The following EIF3C variants were observed in gnomAD, a reference collection of about 807,000 sequenced individuals.
The protein encoded by EIF3C is cell migration-inducing protein 17.
In EIF3C, 2 loss-of-function variants were observed where a neutral mutation model predicts 11.1. That is an observed-to-expected ratio of 0.18 (90% CI 0.07 to 0.57). EIF3C has a LOEUF of 0.57. EIF3C is among the 20% of genes least tolerant of loss of function. EIF3C has a pLI of 0.92. For synonymous variants in EIF3C, 2 were observed against 41.5 expected (o/e 0.05, Z 3.66); for missense variants, 16 against 114.6 (o/e 0.14, Z 3.93).
At chr16:28,698,325 G>A (rs2048255214) in intron 1 of EIF3C, among the ~76,000 whole-genome samples, 1 of 101,650 alleles carries the variant, frequency 9.8e-6, no homozygotes, top group Non-Finnish European at 2.0e-5. Context: ...TCCCAGTAGG[G>A]GCGGCCGGGC....
At chr16:28,693,741 C>T (rs1466878569) in intron 1 of EIF3C, among the ~76,000 whole-genome samples, 1 of 9,462 alleles carries the variant, frequency 1.1e-4, no homozygotes, top group African/African-American at 8.9e-4. Context: ...GGTGTGATCT[C>T]GGCTCACTGC....
intron 15 of EIF3C, among the ~76,000 whole-genome samples, chr16:28,728,549 T>TGTGTG (rs2048407452): frequency 8.4e-6 from 1 of 119,030 alleles, no homozygotes; most frequent in African/African-American, 3.0e-5. Context: ...TGTGTGTGTG[T>TGTGTG]TTTGAGACAG....
intron 1 of EIF3C, among the ~76,000 whole-genome samples, chr16:28,699,829 C>A (rs2048270961): frequency 1.0e-5 from 1 of 96,792 alleles, no homozygotes. Context: ...CGGGTGTGAG[C>A]CACCTCATCC....
chr16:28,709,993 AC>A (rs1335947731), upstream of EIF3C, among the ~76,000 whole-genome samples: 2 of 16,430 alleles, frequency 1.2e-4, no homozygotes, highest in Non-Finnish European at 2.4e-4. Context: ...TTTTTTTTTA[AC>A]TTTTTTTTTT....
Position 28,723,177 on chromosome 16 carries a change from G to C in EIF3C, c.790G>C (p.Asp264His), listed in dbSNP as rs201924432. ...SRFLKKAPTTDEDKKAAEKKR... is the reference protein window; with the variant it reads ...SRFLKKAPTTHEDKKAAEKKR... The stretch of plus-strand genomic sequence containing the variant: ...GTCTGTCGGCAGGGCACCCACCACA[G>C]ATGAGGACAAGAAGGCAGCCGAGAA... The change falls in exon 9 of 21, where the codon GAT (aspartate) becomes CAT (histidine). Residue 264 changes from aspartate (D) to histidine (H), a missense_variant. Transcript: ENST00000331666. The C allele has an allele frequency of 6.2e-7, 1 of 1,613,992 alleles. No individual in the cohort carries two copies. Among genetic ancestry groups the C allele is most frequent in the Admixed American group, 1.7e-5 (1 of 60,006 alleles).
At chr16:28,713,088 AGG>A (rs1261934139) in intron 2 of EIF3C, among the ~76,000 whole-genome samples, 1 of 128,536 alleles carries the variant, frequency 7.8e-6, no homozygotes, top group African/African-American at 2.9e-5. Context: ...ACTACTCTGG[AGG>A]CTGAGGTGGG....
chr16:28,695,870 T>C lies in EIF3C; in HGVS notation c.-31+7042T>C, dbSNP rs1468049415. On this transcript the variant is annotated intron_variant, in intron 1 of 20. Transcript: ENST00000566501. ...CAGGTGTGATGGCGGGCACCTGTAG[T>C]CCTAGCTACTCAAGAGGCTGAGGCA... 4.0e-5 allele frequency among the ~76,000 whole-genome samples: 2 copies of C among 49,558 alleles called. 1 individual carries two copies. Among genetic ancestry groups the C allele is most frequent in the Non-Finnish European group, 7.3e-5 (2 of 27,278 alleles). 32.5% of individuals were successfully genotyped at this position (49,558 alleles called of 152,430 possible). A position where few individuals can be genotyped will look rare whatever the true frequency, so the allele number is the denominator to read the frequency against.
chr16:28,698,612 C>T (rs1420984564), intron 1 of EIF3C, among the ~76,000 whole-genome samples: 2 of 93,710 alleles, frequency 2.1e-5, no homozygotes, highest in Middle Eastern at 5.8e-3. Context: ...GGCTGCCGGG[C>T]GGAGACACTC....
At chr16:28,697,954 G>A (rs2048249347) in intron 1 of EIF3C, among the ~76,000 whole-genome samples, 1 of 93,486 alleles carries the variant, frequency 1.1e-5, no homozygotes, top group Non-Finnish European at 2.1e-5. Context: ...CCGGGCAGAG[G>A]CGCCCCTCAC....
intron 1 of EIF3C, among the ~76,000 whole-genome samples, chr16:28,698,193 T>A (rs2048253104): frequency 1.0e-5 from 1 of 97,992 alleles, no homozygotes; most frequent in African/African-American, 4.1e-5. Flanking sequence ...CACTTCCCAG[T>A]AGGGGCGGCC....
chr16:28,698,070 C>T (rs865809850), intron 1 of EIF3C, among the ~76,000 whole-genome samples: 2 of 66,876 alleles, frequency 3.0e-5, no homozygotes, highest in Non-Finnish European at 5.3e-5. Flanking sequence ...CCAGTAGGGG[C>T]GGCCGGGCAG....
chr16:28,697,941 C>T (rs1256405725), intron 1 of EIF3C, among the ~76,000 whole-genome samples: 32 of 88,532 alleles, frequency 3.6e-4, no homozygotes, highest in Non-Finnish European at 6.1e-4. Context: ...CCAGTAGGGG[C>T]GGCCGGGCAG....
At chr16:28,692,177 T>C in intron 1 of EIF3C, among the ~76,000 whole-genome samples, 4 of 48,598 alleles carry the variant, frequency 8.2e-5, no homozygotes, top group African/African-American at 3.3e-4. Flanking sequence ...CTTTTTTTGT[T>C]TGAGACTGAG....
At chr16:28,698,453 C>T (rs2048257966) in intron 1 of EIF3C, among the ~76,000 whole-genome samples, 1 of 62,006 alleles carries the variant, frequency 1.6e-5, no homozygotes, top group Non-Finnish European at 2.7e-5. Flanking sequence ...ACCTCCCTCC[C>T]GGATGGCACG....
chr16:28,728,294 GTAGCTGGGACTACAGGCATGTGCCACCA>G (rs1231798060), intron 15 of EIF3C, among the ~76,000 whole-genome samples: 10 of 18,008 alleles, frequency 5.6e-4, no homozygotes, highest in Admixed American at 1.8e-3. Flanking sequence ...AGCCTCCATA[GTAGCTGGGACTACAGGCATGTGCCACCA>G]TAGCTGGGAC....
At chr16:28,698,438 C>T (rs1282539010) in intron 1 of EIF3C, among the ~76,000 whole-genome samples, 1 of 83,274 alleles carries the variant, frequency 1.2e-5, no homozygotes, top group Non-Finnish European at 2.1e-5. Context: ...GGGGCTGACC[C>T]CCCCACCTCC....
chr16:28,692,847 GATA>G (rs1483693532), intron 1 of EIF3C, among the ~76,000 whole-genome samples: 2 of 67,686 alleles, frequency 3.0e-5, no homozygotes, highest in African/African-American at 1.5e-4. Context: ...AAGCAGTTTT[GATA>G]ATATCTCTTA....
chr16:28,728,496 GGTGT>G (rs55817458), intron 15 of EIF3C, among the ~76,000 whole-genome samples: 1,799 of 64,014 alleles, frequency 0.028, 67 homozygotes, highest in Admixed American at 0.056. Flanking sequence ...TCTTTTAGGG[GGTGT>G]GTGTGTGTGT....
At chr16:28,698,365 G>C (rs2048255835) in intron 1 of EIF3C, among the ~76,000 whole-genome samples, 1 of 99,558 alleles carries the variant, frequency 1.0e-5, no homozygotes, top group Non-Finnish European at 2.0e-5. Context: ...CGGACGGGGC[G>C]GCTGGCCGGG....
Sources: gnomAD v4.1 joint callset for allele counts (sites outside exome capture counted in the v4.1 genomes callset) on GRCh38, gnomAD v4.1.1 for gene constraint, MANE v1.5 for transcripts, NCBI Gene and HGNC (gene_info 2026-07-23, HGNC 2026-07-21) for gene names.